Variants in UST observed in about 807,000 individuals in gnomAD.
The protein encoded by UST is chondroitin sulfate 2-O-sulfotransferase.
UST carries 21 observed loss-of-function variants against 45.6 expected under a neutral mutation model. The ratio of observed to expected loss-of-function variants is 0.46; its 90% CI spans 0.33 to 0.66. The LOEUF is 0.66. Ranked by LOEUF, UST falls within the 30% of genes least tolerant of loss-of-function variation. The probability of loss-of-function intolerance (pLI) is 0.02; values close to 1 mark genes in which losing one functional copy is unlikely to be tolerated. For synonymous variants in UST, 215 were observed against 200.6 expected (o/e 1.07, Z -0.61); for missense variants, 463 against 512.4 (o/e 0.90, Z 0.93).
At chr6:148,946,753 G>T (rs1420563040) in intron 3 of UST, among the ~76,000 whole-genome samples, 2 of 133,972 alleles carry the variant, frequency 1.5e-5, no homozygotes, top group African/African-American at 2.9e-5. Flanking sequence ...GGTGGAGCTT[G>T]CAGTGAGCCG....
At chr6:148,761,291 C>A (rs959155755) in intron 1 of UST, among the ~76,000 whole-genome samples, 1 of 152,082 alleles carries the variant, frequency 6.6e-6, no homozygotes, top group South Asian at 2.1e-4. Context: ...CAAACAGCAC[C>A]CTGCCTTCTG....
chr6:148,785,642 AATTACAATAAAGT>A (rs1242243517), intron 1 of UST, among the ~76,000 whole-genome samples: 15 of 152,350 alleles, frequency 9.8e-5, no homozygotes, highest in African/African-American at 3.6e-4. Context: ...GGTTAAAAAG[AATTACAATAAAGT>A]ATTCTTAACA....
chr6:149,016,382 C>T (rs1042992529), intron 5 of UST, among the ~76,000 whole-genome samples: 1 of 152,194 alleles, frequency 6.6e-6, no homozygotes, highest in Non-Finnish European at 1.5e-5. Context: ...CCTATGAGCC[C>T]GGGGTTGCTG....
intron 7 of UST, among the ~76,000 whole-genome samples, chr6:149,051,554 G>A (rs1340125478): frequency 6.6e-6 from 1 of 152,216 alleles, no homozygotes; most frequent in African/African-American, 2.4e-5. Context: ...TAGTTAAATA[G>A]CATGTCATTC....
At chr6:148,935,470 T>C (rs115423656) in intron 2 of UST, among the ~76,000 whole-genome samples, 2,590 of 152,168 alleles carry the variant, frequency 0.017, 81 homozygotes, top group African/African-American at 0.059. Context: ...AACATTAAAG[T>C]AGAGGATAGA....
intron 1 of UST, among the ~76,000 whole-genome samples, chr6:148,876,088 A>G (rs1324574685): frequency 6.6e-6 from 1 of 152,242 alleles, no homozygotes; most frequent in Non-Finnish European, 1.5e-5. Context: ...CTGTACAGAA[A>G]GTATGGTGCT....
chr6:149,004,757 C>T (rs1322388724), intron 5 of UST, among the ~76,000 whole-genome samples: 1 of 150,428 alleles, frequency 6.6e-6, no homozygotes, highest in Non-Finnish European at 1.5e-5. Context: ...CAGGTGGGCC[C>T]GAATCTCAGA....
chr6:148,803,821 G>A (rs756420135), intron 1 of UST, among the ~76,000 whole-genome samples: 4 of 152,110 alleles, frequency 2.6e-5, no homozygotes, highest in African/African-American at 7.2e-5. Flanking sequence ...CCCCTGCTAC[G>A]TCCTGCTGCA....
chr6:149,040,119 A>G (rs967423503), intron 7 of UST, among the ~76,000 whole-genome samples: 2 of 152,230 alleles, frequency 1.3e-5, no homozygotes, highest in Non-Finnish European at 2.9e-5. Flanking sequence ...TTTTTCATAC[A>G]GTCCTGAGCT....
chr6:149,040,241 C>T (rs774861136), intron 7 of UST, among the ~76,000 whole-genome samples: 13 of 152,136 alleles, frequency 8.5e-5, no homozygotes, highest in Non-Finnish European at 1.6e-4. Context: ...CAGTGTCACC[C>T]TAGCATTTTA....
chr6:149,040,135 A>C (rs117894238), intron 7 of UST, among the ~76,000 whole-genome samples: 82 of 152,352 alleles, frequency 5.4e-4, no homozygotes, highest in Non-Finnish European at 7.8e-4. Context: ...GAGCTCTTCC[A>C]ACTCAAACAA....
At chr6:148,970,974 GT>G (rs951358361) in intron 5 of UST, among the ~76,000 whole-genome samples, 22 of 152,284 alleles carry the variant, frequency 1.4e-4, no homozygotes, top group African/African-American at 5.1e-4. Context: ...GCCATACAAG[GT>G]AACATATTCA....
rs151060007 is a variant in UST at position 148,953,901 on chromosome 6, C to T, written c.477C>T (p.Ala159=). Residue 159 remains alanine (A), a synonymous_variant, in exon 4 of 8, where the codon GCC becomes GCT. Transcript: ENST00000367463. ...QMELIKNIST[A]EQPYLFTRHV... ...AACTGATTAAAAATATAAGTACTGC[C>T]GAACAACCCTATTTATTCACTCGAC... 3.9e-5 allele frequency: 62 copies of T among 1,607,364 alleles called. No homozygotes were observed. In the Admixed American group the frequency reaches 5.9e-4, roughly 15 times the overall value.
At chr6:148,805,418 G>C (rs2114722928) in intron 1 of UST, among the ~76,000 whole-genome samples, 1 of 152,296 alleles carries the variant, frequency 6.6e-6, no homozygotes, top group Non-Finnish European at 1.5e-5. Flanking sequence ...TGAGATGTTG[G>C]AAAATTAGTG....
At chr6:149,030,885 G>C (rs566260965) in intron 7 of UST, among the ~76,000 whole-genome samples, 10 of 152,240 alleles carry the variant, frequency 6.6e-5, no homozygotes, top group African/African-American at 1.9e-4. Flanking sequence ...GTAGGGAATA[G>C]CAGTGCAAGG....
intron 6 of UST, among the ~76,000 whole-genome samples, chr6:149,019,870 A>ACC (rs1775954060): frequency 6.6e-6 from 1 of 152,018 alleles, no homozygotes; most frequent in African/African-American, 2.4e-5. Flanking sequence ...CTTGTTAAGA[A>ACC]CCCCCACCCA....
intron 1 of UST, among the ~76,000 whole-genome samples, chr6:148,880,800 T>C (rs1265666809): frequency 1.3e-5 from 2 of 152,002 alleles, no homozygotes; most frequent in African/African-American, 4.8e-5. Context: ...GAGGCCAAGG[T>C]GGGTGGATCA....
intron 2 of UST, among the ~76,000 whole-genome samples, chr6:148,889,387 CT>C (rs1308574821): frequency 2.6e-5 from 4 of 152,090 alleles, no homozygotes; most frequent in African/African-American, 7.2e-5. Flanking sequence ...TGTAAGTTTT[CT>C]TGTAGAGAAA....
At chr6:149,055,045 C>A (rs562463999) in intron 7 of UST, among the ~76,000 whole-genome samples, 4 of 152,160 alleles carry the variant, frequency 2.6e-5, no homozygotes, top group African/African-American at 9.7e-5. Flanking sequence ...CTTTACACTT[C>A]GAGCTGAAAG....
Sources: allele counts gnomAD v4.1 joint callset (sites outside exome capture counted in the v4.1 genomes callset), GRCh38; gene constraint gnomAD v4.1.1; transcripts MANE v1.5; gene names NCBI Gene and HGNC (gene_info 2026-07-23, HGNC 2026-07-21).